Variants in GASK1B observed in about 807,000 individuals in gnomAD.
GASK1B encodes the protein Golgi-associated kinase 1B.
GASK1B carries 34 observed loss-of-function variants against 42.8 expected under a neutral mutation model. The ratio of observed to expected loss-of-function variants is 0.79; its 90% CI spans 0.60 to 1.06. GASK1B has a LOEUF of 1.06. Ranked by LOEUF, GASK1B falls within the 50% of genes least tolerant of loss-of-function variation. The probability of loss-of-function intolerance (pLI) is 0.00; values close to 1 mark genes in which losing one functional copy is unlikely to be tolerated. For synonymous variants in GASK1B, 262 were observed against 259.1 expected, an observed-to-expected ratio of 1.01 and a Z score of -0.11; for missense variants, 686 against 661.0, an observed-to-expected ratio of 1.04 and a Z score of -0.42.
At position 158,169,968 on chromosome 4, in the gene GASK1B, A is replaced by AGG. The variant is rs571962264; in HGVS notation, c.910+497_910+498insCC. The AGG allele has an allele frequency of 1.9e-3, 852 of 446,278 alleles. 2 individuals are homozygous for AGG. Among genetic ancestry groups the AGG allele is most frequent in the African/African-American group, 0.016 (805 of 50,198 alleles). 27.6% of individuals were successfully genotyped at this position (446,278 alleles called of 1,614,324 possible). A position where few individuals can be genotyped will look rare whatever the true frequency, so the allele number is the denominator to read the frequency against. On this transcript the variant is annotated intron_variant, in intron 2 of 4. Coordinates refer to ENST00000585682, the MANE Select transcript of GASK1B (RefSeq NM_001128424.2). The stretch of plus-strand genomic sequence containing the variant: ...AAGAGGTTAAATCCATTGAAAAAAA[A>AGG]AGGGGGGGTTAAACCTAACATGGTC...
At position 158,170,812 on chromosome 4, in the gene GASK1B, C is replaced by T. The variant is rs1560796804; in HGVS notation, c.564G>A (p.Val188=). Residue 188 remains valine (V), a synonymous_variant, in exon 2 of 5, where the codon GTG becomes GTA. Transcript: ENST00000585682. ...GCAGGAAGTCTGGGCCCCCGGCTCG[C>T]ACTCCCGGACCCCGCACCAACCTCC... ...RPWRLVRGPG[V]RAGGPDFLQP... 1.9e-6 allele frequency: 3 copies of T among 1,614,218 alleles called. No homozygotes were observed. The highest frequency in any genetic ancestry group is 2.5e-6 in the Non-Finnish European group (3 of 1,180,032).
In GASK1B at chr4:158,171,120, G is replaced by T; in HGVS notation, c.256C>A (p.Leu86Met). ...TCTGGAGGGGCCAGGGTACCATCCA[G>T]GGGTATCTCAGGGAAGGATGGCTCG... The part of the protein sequence containing the change: ...TAEPSFPEIP[L>M]DGTLAPPESQ... Residue 86 changes from leucine to methionine, a missense_variant, in exon 2 of 5, where the codon CTG becomes ATG. Transcript: ENST00000585682. 1 of 1,609,398 alleles carries T rather than the reference G, an allele frequency of 6.2e-7. No homozygotes were observed. The highest frequency in any genetic ancestry group is 8.5e-7 in the Non-Finnish European group (1 of 1,176,520).
At chr4:158,148,647 GA>G (rs1312467195) in intron 3 of GASK1B, among the ~76,000 whole-genome samples, 1 of 152,122 alleles carries the variant, frequency 6.6e-6, no homozygotes, top group Non-Finnish European at 1.5e-5. Flanking sequence ...GTTATAATTT[GA>G]GTAAATTCTA....
intron 3 of GASK1B, among the ~76,000 whole-genome samples, chr4:158,149,629 C>T (rs1201751781): frequency 6.6e-6 from 1 of 152,156 alleles, no homozygotes; most frequent in Non-Finnish European, 1.5e-5. Context: ...CTCTGCTTAC[C>T]ACTCCCCAAA....
Position 158,137,244 on chromosome 4 carries a change from A to G in GASK1B, c.1126-6232T>C, listed in dbSNP as rs1054610632. On this transcript the variant is annotated intron_variant, in intron 3 of 4. Transcript: ENST00000585682. ...TATGTAATAGGCATTCAATAAATACATACTAGGCAGGTTGACAGAAATAAC... is the reference window on the plus strand; with the variant it reads ...TATGTAATAGGCATTCAATAAATACGTACTAGGCAGGTTGACAGAAATAAC... Among the ~76,000 whole-genome samples, 11 of 151,880 alleles carry G rather than the reference A, an allele frequency of 7.2e-5. 1 individual carries two copies. In the East Asian group the frequency reaches 1.9e-3, roughly 27 times the overall value.
intron 3 of GASK1B, among the ~76,000 whole-genome samples, chr4:158,134,795 C>A (rs1006901542): frequency 1.3e-5 from 2 of 151,940 alleles, no homozygotes; most frequent in Non-Finnish European, 2.9e-5. Context: ...ATGAGTGATT[C>A]GACTTATGCT....
At chr4:158,146,603 A>G (rs1225175084) in intron 3 of GASK1B, among the ~76,000 whole-genome samples, 1 of 152,164 alleles carries the variant, frequency 6.6e-6, no homozygotes, top group African/African-American at 2.4e-5. Flanking sequence ...ATGCAGAGAG[A>G]GGTTCAAGCA....
At chr4:158,168,635 T>G (rs934421416) in intron 2 of GASK1B, 2 of 152,188 alleles carry the variant, frequency 1.3e-5, no homozygotes, top group African/African-American at 4.8e-5. Context: ...CATGGCAACA[T>G]TTCCAAGTCG....
chr4:158,166,139 G>A (rs1732222136), intron 2 of GASK1B, among the ~76,000 whole-genome samples: 1 of 152,060 alleles, frequency 6.6e-6, no homozygotes, highest in South Asian at 2.1e-4. Context: ...TTACTATCTT[G>A]CCCTTCCTCA....
rs748040503 is a variant in GASK1B at position 158,170,673 on chromosome 4, G to A, written c.703C>T (p.Leu235Phe). 6.2e-7 allele frequency: 1 copy of A among 1,614,110 alleles called. No individual in the cohort carries two copies. Among genetic ancestry groups the A allele is most frequent in the Non-Finnish European group, 8.5e-7 (1 of 1,180,040 alleles). Residue 235 changes from leucine (L) to phenylalanine (F), a missense_variant, in exon 2 of 5, where the codon CTC (leucine) becomes TTC (phenylalanine). Leu to Phe is a conservative substitution (Grantham distance 22). Transcript: ENST00000585682. ...RLLADSAVAG[L>F]RPVSSRSGAR... ...CCGCTCCTAGAGGACACAGGCCGGA[G>A]CCCTGCCACTGCGCTGTCCGCCAAG...
At chr4:158,145,650 T>C (rs1478440161) in intron 3 of GASK1B, among the ~76,000 whole-genome samples, 1 of 152,206 alleles carries the variant, frequency 6.6e-6, no homozygotes, top group African/African-American at 2.4e-5. Flanking sequence ...CTATAAAATA[T>C]TACTTTTAAT....
intron 3 of GASK1B, among the ~76,000 whole-genome samples, chr4:158,145,371 G>C (rs965941270): frequency 1.3e-5 from 2 of 152,076 alleles, no homozygotes; most frequent in African/African-American, 4.8e-5. Context: ...AGGAGGCAAG[G>C]CATACCAACT....
At chr4:158,149,922 G>GATTTTTTTTTT (rs1560785203) in intron 3 of GASK1B, among the ~76,000 whole-genome samples, 1 of 15,526 alleles carries the variant, frequency 6.4e-5, no homozygotes, top group Non-Finnish European at 2.1e-4. Flanking sequence ...TCTGCATGCT[G>GATTTTTTTTTT]CTTTTTTTTT....
intron 3 of GASK1B, 41 bp from the exon 4 acceptor site, chr4:158,131,053 AC>A: frequency 6.5e-7 from 1 of 1,543,234 alleles, no homozygotes; most frequent in South Asian, 1.2e-5. Flanking sequence ...CTGAGTGAAA[AC>A]AAAACTTGGG....
intron 3 of GASK1B, among the ~76,000 whole-genome samples, chr4:158,141,124 C>T (rs56167625): frequency 2.6e-5 from 4 of 152,028 alleles, no homozygotes; most frequent in Non-Finnish European, 4.4e-5. Flanking sequence ...AGAAAAACAA[C>T]GCCAGCAATC....
chr4:158,166,684 T>C (rs1732242478), intron 2 of GASK1B, among the ~76,000 whole-genome samples: 1 of 152,164 alleles, frequency 6.6e-6, no homozygotes, highest in South Asian at 2.1e-4. Flanking sequence ...GAAAACTCAA[T>C]AACTCTTAGC....
At position 158,130,819 on chromosome 4, in the gene GASK1B, T is replaced by C; in HGVS notation, c.1319A>G (p.Asn440Ser). Residue 440 changes from asparagine (N) to serine (S), a missense_variant, in exon 4 of 5, where the codon AAC becomes AGC. Transcript: ENST00000585682. ...NKGFFDRSED[N>S]LNFKLLEGIK... The stretch of plus-strand genomic sequence containing the variant: ...GCCTTCTAACAATTTGAAGTTTAAG[T>C]TATCTTCACTCCTGTCAAAGAAACC... 1.2e-6 allele frequency: 2 copies of C among 1,613,476 alleles called. No individual in the cohort carries two copies. Among genetic ancestry groups the C allele is most frequent in the Non-Finnish European group, 1.7e-6 (2 of 1,179,928 alleles).
chr4:158,128,233 G>A (rs2881474), intron 4 of GASK1B, among the ~76,000 whole-genome samples: 152,211 of 152,324 alleles, frequency 1, 76,049 homozygotes, highest in Non-Finnish European at 1. Flanking sequence ...TAGCTAGAGT[G>A]TTAAGATGTT....
At chr4:158,152,722 C>T (rs1037376050) in intron 3 of GASK1B, among the ~76,000 whole-genome samples, 10 of 152,038 alleles carry the variant, frequency 6.6e-5, no homozygotes, top group Non-Finnish European at 1.0e-4. Context: ...ATGAGATACA[C>T]CACATAAACA....
Sources: allele counts gnomAD v4.1 joint callset (sites outside exome capture counted in the v4.1 genomes callset), GRCh38; gene constraint gnomAD v4.1.1; transcripts MANE v1.5; gene names NCBI Gene and HGNC (gene_info 2026-07-23, HGNC 2026-07-21).